SPOPL: variants seen among roughly 807,000 people sequenced by gnomAD.
SPOPL encodes the protein speckle type BTB/POZ protein like.
Under a neutral mutation model 53.8 loss-of-function variants are expected in SPOPL, and 23 were observed. The observed-to-expected ratio is 0.43, with a 90% CI of 0.31 to 0.61. SPOPL has a LOEUF of 0.61. Among genes scored for constraint, SPOPL ranks in the 20% least tolerant of loss-of-function variants. SPOPL has a pLI of 0.12. For missense variants in SPOPL, 442 were observed against 466.9 expected, an observed-to-expected ratio of 0.95 and a Z score of 0.49; for synonymous variants, 164 against 149.7, an observed-to-expected ratio of 1.10 and a Z score of -0.70.
chr2:138,543,767 G>T (rs564667595), intron 1 of SPOPL, among the ~76,000 whole-genome samples: 1 of 152,248 alleles, frequency 6.6e-6, no homozygotes, highest in Non-Finnish European at 1.5e-5. Context: ...GCTTTGTTCT[G>T]TTGCTAGTGA....
rs185212873 is a variant in SPOPL at position 138,531,204 on chromosome 2, C to T, written c.-60-18953C>T. Among the ~76,000 whole-genome samples the T allele has an allele frequency of 1.8e-4, 27 of 151,684 alleles. No individual in the cohort carries two copies. In the East Asian group the frequency reaches 4.4e-3, roughly 25 times the overall value. On this transcript the variant is annotated intron_variant, in intron 1 of 10. Coordinates refer to ENST00000280098, the MANE Select transcript of SPOPL (RefSeq NM_001001664.3). ...TTATTTACAATCTTTCCCTTTTTCTCTCCTTTTAAAAATCTATTTTATTTT... is the reference window on the plus strand; with the variant it reads ...TTATTTACAATCTTTCCCTTTTTCTTTCCTTTTAAAAATCTATTTTATTTT...
At chr2:138,548,322 T>C (rs937433087) in intron 1 of SPOPL, among the ~76,000 whole-genome samples, 4 of 151,642 alleles carry the variant, frequency 2.6e-5, no homozygotes, top group Non-Finnish European at 4.4e-5. Context: ...GTGAATGTTT[T>C]TGAAATCAAT....
At chr2:138,532,734 T>C (rs77428721) in intron 1 of SPOPL, among the ~76,000 whole-genome samples, 1 of 151,622 alleles carries the variant, frequency 6.6e-6, no homozygotes, top group Non-Finnish European at 1.5e-5. Context: ...GAGCCACAGC[T>C]CTGGGCCTTG....
chr2:138,533,484 C>G (rs1684857850), intron 1 of SPOPL, among the ~76,000 whole-genome samples: 1 of 151,732 alleles, frequency 6.6e-6, no homozygotes, highest in Non-Finnish European at 1.5e-5. Context: ...ATCTTCATAC[C>G]CCAGGTTTCG....
intron 10 of SPOPL, among the ~76,000 whole-genome samples, chr2:138,567,848 A>G (rs748956032): frequency 9.9e-5 from 15 of 152,258 alleles, no homozygotes; most frequent in Middle Eastern, 3.4e-3. Flanking sequence ...TAAAGTAGAG[A>G]ATTGAGGCAA....
At chr2:138,531,812 A>G (rs1684816638) in intron 1 of SPOPL, among the ~76,000 whole-genome samples, 1 of 151,252 alleles carries the variant, frequency 6.6e-6, no homozygotes, top group Non-Finnish European at 1.5e-5. Context: ...CCTAGCTTTT[A>G]TTCATAAGCG....
rs1264548398 is a variant in SPOPL at position 138,502,015 on chromosome 2, C to T, written c.-165C>T. On this transcript the variant is annotated 5_prime_UTR_variant, in exon 1 of 11. Transcript: ENST00000280098. Reference sequence around the variant, plus strand: ...CCACAGGGACTTGCCGCCATCACCCCTGCTGCCACCACCGCAGCCTCGGGC... The same window carrying T: ...CCACAGGGACTTGCCGCCATCACCCTTGCTGCCACCACCGCAGCCTCGGGC... 1 of 152,994 alleles carries T rather than the reference C, an allele frequency of 6.5e-6. No individual in the cohort carries two copies. Among genetic ancestry groups the T allele is most frequent in the Non-Finnish European group, 1.5e-5 (1 of 68,728 alleles). The allele number at this position is 152,994 out of a possible 1,614,324, so 9.5% of individuals were successfully genotyped here.
intron 1 of SPOPL, among the ~76,000 whole-genome samples, chr2:138,528,881 A>G (rs1684734752): frequency 6.6e-6 from 1 of 152,192 alleles, no homozygotes; most frequent in Admixed American, 6.5e-5. Flanking sequence ...ACTTATCTAT[A>G]ATATTGATAG....
At chr2:138,560,041 A>G (rs1348911554) in intron 7 of SPOPL, among the ~76,000 whole-genome samples, 2 of 152,218 alleles carry the variant, frequency 1.3e-5, no homozygotes, top group Non-Finnish European at 2.9e-5. Context: ...CAATGATGTC[A>G]TATACTATTG....
chr2:138,546,009 G>A (rs1221728793), intron 1 of SPOPL, among the ~76,000 whole-genome samples: 2 of 152,188 alleles, frequency 1.3e-5, no homozygotes, highest in Non-Finnish European at 2.9e-5. Flanking sequence ...GAGGAAACAT[G>A]ATGGTGGTAG....
intron 1 of SPOPL, among the ~76,000 whole-genome samples, chr2:138,503,791 C>T (rs1480131912): frequency 6.6e-6 from 1 of 152,306 alleles, no homozygotes; most frequent in East Asian, 1.9e-4. Flanking sequence ...AGTTTTAGTA[C>T]TGTAAGTTAA....
chr2:138,532,804 C>G lies in SPOPL; in HGVS notation c.-60-17353C>G, dbSNP rs546201078. Among the ~76,000 whole-genome samples the G allele has an allele frequency of 2.0e-5, 3 of 152,120 alleles. No homozygotes were observed. The South Asian group carries it at 6.2e-4, about 32-fold the overall frequency. ...TCAGCCCACCTTTAGGTTGTTCTCC[C>G]TTCTCTAGAATCTTGTGACCTTTTG... On this transcript the variant is annotated intron_variant, in intron 1 of 10. Coordinates refer to ENST00000280098, the MANE Select transcript of SPOPL (RefSeq NM_001001664.3).
intron 1 of SPOPL, among the ~76,000 whole-genome samples, chr2:138,547,672 A>G (rs1258553358): frequency 6.6e-6 from 1 of 152,150 alleles, no homozygotes; most frequent in African/African-American, 2.4e-5. Flanking sequence ...CATTTATGAA[A>G]TATGAATAAA....
At chr2:138,534,525 G>A (rs1684885424) in intron 1 of SPOPL, among the ~76,000 whole-genome samples, 1 of 152,090 alleles carries the variant, frequency 6.6e-6, no homozygotes, top group South Asian at 2.1e-4. Context: ...GGACAACTTT[G>A]ATTACTTTTT....
intron 5 of SPOPL, chr2:138,554,597 C>T (rs1685382876): frequency 1.8e-6 from 2 of 1,086,308 alleles, no homozygotes; most frequent in Admixed American, 2.5e-5. Context: ...AAGTTCCCTA[C>T]AGTGGTTAAA....
At chr2:138,560,138 G>A (rs892532604) in intron 7 of SPOPL, among the ~76,000 whole-genome samples, 3 of 152,102 alleles carry the variant, frequency 2.0e-5, no homozygotes, top group African/African-American at 7.2e-5. Flanking sequence ...ACAAAAACAC[G>A]CAGTAAAAAA....
At chr2:138,502,410 C>T (rs923315409) in intron 1 of SPOPL, among the ~76,000 whole-genome samples, 1 of 152,216 alleles carries the variant, frequency 6.6e-6, no homozygotes, top group African/African-American at 2.4e-5. Flanking sequence ...GTTTTACCCC[C>T]GGGCCTCGCC....
At chr2:138,511,002 G>T (rs1348524758) in intron 1 of SPOPL, among the ~76,000 whole-genome samples, 1 of 152,168 alleles carries the variant, frequency 6.6e-6, no homozygotes, top group African/African-American at 2.4e-5. Flanking sequence ...AAAAGCTCAA[G>T]TGGGGCATGG....
chr2:138,518,434 T>A (rs529336075), intron 1 of SPOPL, among the ~76,000 whole-genome samples: 1 of 152,306 alleles, frequency 6.6e-6, no homozygotes, highest in East Asian at 1.9e-4. Flanking sequence ...GAAGAATTAT[T>A]CTCTTTCTGA....
Sources: allele counts gnomAD v4.1 joint callset (sites outside exome capture counted in the v4.1 genomes callset), GRCh38; gene constraint gnomAD v4.1.1; transcripts MANE v1.5; gene names NCBI Gene and HGNC (gene_info 2026-07-23, HGNC 2026-07-21).